Variants in SPMIP1 observed in about 807,000 individuals in gnomAD.
SPMIP1 encodes protein SPMIP1.
chr7:128,866,631 G>C, the SPMIP1 span: 1 of 1,010,214 alleles, frequency 9.9e-7, no homozygotes, highest in East Asian at 6.2e-5. Flanking sequence ...CCCCTTCCAA[G>C]GTGCCCAGCC....
the SPMIP1 span, chr7:128,866,950 G>A: frequency 1.0e-5 from 10 of 994,624 alleles, no homozygotes; most frequent in East Asian, 5.3e-5. Flanking sequence ...AAGAAGTGTC[G>A]ACACGTTCCA....
the SPMIP1 span, chr7:128,866,817 T>C: frequency 1.1e-5 from 17 of 1,533,504 alleles, no homozygotes; most frequent in South Asian, 1.2e-5. Context: ...GCTTCACGTA[T>C]GGCTGGCAGC....
At chr7:128,866,575 C>T in the SPMIP1 span, 1 of 1,535,762 alleles carries the variant, frequency 6.5e-7, no homozygotes, top group East Asian at 2.4e-5. Context: ...ACTGCCCACC[C>T]TGCACCCCAA....
At chr7:128,868,804 G>A in the SPMIP1 span, 1 of 1,475,000 alleles carries the variant, frequency 6.8e-7, no homozygotes, top group Non-Finnish European at 9.1e-7. Context: ...CTTAGGGGAG[G>A]GAAGAAGAAA....
chr7:128,871,254 C>T, the SPMIP1 span: 1 of 152,374 alleles, frequency 6.6e-6, no homozygotes, highest in East Asian at 1.9e-4. Flanking sequence ...GAGGGACCTG[C>T]ACAGCCCCTT....
chr7:128,868,534 ACTTT>A, the SPMIP1 span: 5 of 552,924 alleles, frequency 9.0e-6, no homozygotes, highest in Non-Finnish European at 1.6e-5. Flanking sequence ...CCTCCAAAGC[ACTTT>A]CTATTTCTTC....
At chr7:128,869,212 C>G in the SPMIP1 span, 1 of 248,924 alleles carries the variant, frequency 4.0e-6, no homozygotes, top group Non-Finnish European at 7.6e-6. Context: ...TGCATTTGCT[C>G]CAGCTGCTCC....
the SPMIP1 span, among the ~76,000 whole-genome samples, chr7:128,867,977 C>A: frequency 6.6e-6 from 1 of 152,164 alleles, no homozygotes; most frequent in African/African-American, 2.4e-5. Flanking sequence ...ATGTCATTGG[C>A]AGGAAGCCTG....
At chr7:128,866,907 G>A in the SPMIP1 span, 258 of 1,368,570 alleles carry the variant, frequency 1.9e-4, 4 homozygotes, top group South Asian at 3.5e-3. Flanking sequence ...CCTGGTGAAG[G>A]GTCCAGACTA....
At chr7:128,869,010 C>T in the SPMIP1 span, 1 of 433,934 alleles carries the variant, frequency 2.3e-6, no homozygotes, top group Non-Finnish European at 4.1e-6. Flanking sequence ...GAAGGGCGAG[C>T]ACTACTTCGC....
chr7:128,867,369 C>G, the SPMIP1 span, among the ~76,000 whole-genome samples: 1 of 152,140 alleles, frequency 6.6e-6, no homozygotes, highest in African/African-American at 2.4e-5. Context: ...ATCAATCACC[C>G]AGGTGTTTGT....
At chr7:128,869,773 C>T in the SPMIP1 span, 3 of 152,222 alleles carry the variant, frequency 2.0e-5, no homozygotes, top group Non-Finnish European at 4.4e-5. Flanking sequence ...GCCACGCGGC[C>T]TTCAAGGCCT....
chr7:128,866,717 T>G, the SPMIP1 span: 33 of 1,535,104 alleles, frequency 2.1e-5, no homozygotes, highest in South Asian at 3.6e-4. Context: ...TATGAAGGCA[T>G]CTCCCACGAC....
the SPMIP1 span, chr7:128,868,689 G>T: frequency 6.5e-7 from 1 of 1,535,546 alleles, no homozygotes; most frequent in South Asian, 1.2e-5. Context: ...GCAAGAACTG[G>T]TCTCCTGCAA....
chr7:128,869,698 C>G, the SPMIP1 span: 1 of 152,270 alleles, frequency 6.6e-6, no homozygotes, highest in Non-Finnish European at 1.5e-5. Context: ...GCAGCCGCTG[C>G]AGAGCCGTCA....
chr7:128,869,514 T>C, the SPMIP1 span: 1 of 152,188 alleles, frequency 6.6e-6, no homozygotes, highest in African/African-American at 2.4e-5. Flanking sequence ...TGGCGGTTCC[T>C]GGCGATGTGG....
the SPMIP1 span, chr7:128,866,767 G>T: frequency 1.3e-6 from 2 of 1,536,068 alleles, no homozygotes; most frequent in East Asian, 2.4e-5. Context: ...TCGAAAACTG[G>T]ACATGCCAGA....
the SPMIP1 span, among the ~76,000 whole-genome samples, chr7:128,867,001 C>A: frequency 5.3e-5 from 8 of 152,156 alleles, no homozygotes; most frequent in Admixed American, 4.6e-4. Flanking sequence ...GCAGCGGCCA[C>A]GTGCTGCTAT....
At chr7:128,868,616 C>G in the SPMIP1 span, 1 of 1,222,892 alleles carries the variant, frequency 8.2e-7, no homozygotes, top group African/African-American at 1.5e-5. Flanking sequence ...CCATGCTCTG[C>G]GTGTCCCTCC....
Sources: gnomAD v4.1 joint callset for allele counts (sites outside exome capture counted in the v4.1 genomes callset) on GRCh38, gnomAD v4.1.1 for gene constraint, MANE v1.5 for transcripts, NCBI Gene and HGNC (gene_info 2026-07-23, HGNC 2026-07-21) for gene names.